Variants in RAB38 observed in about 807,000 individuals in gnomAD.
RAB38 encodes the protein ras-related protein Rab-38.
Under a neutral mutation model 18.4 loss-of-function variants are expected in RAB38, and 15 were observed. That is an observed-to-expected ratio of 0.82 (90% CI 0.55 to 1.26). RAB38 has a LOEUF of 1.26. Among genes scored for constraint, RAB38 ranks in the 50% most tolerant of loss-of-function variants. The pLI is 0.00. For missense variants in RAB38, 294 were observed against 267.4 expected, an observed-to-expected ratio of 1.10 and a Z score of -0.69; for synonymous variants, 101 against 104.4, an observed-to-expected ratio of 0.97 and a Z score of 0.20.
chr11:88,020,807 T>C, the RAB38 span, among the ~76,000 whole-genome samples: 1 of 152,006 alleles, frequency 6.6e-6, no homozygotes, highest in South Asian at 2.1e-4. Flanking sequence ...TTGGAAATGA[T>C]AAAAACATAA....
chr11:88,061,934 T>C, the RAB38 span: 1 of 152,360 alleles, frequency 6.6e-6, no homozygotes, highest in South Asian at 2.1e-4. Flanking sequence ...TTGGTTCTTT[T>C]GTCTTCAATT....
At chr11:88,075,480 T>C in the RAB38 span, among the ~76,000 whole-genome samples, 1 of 152,148 alleles carries the variant, frequency 6.6e-6, no homozygotes, top group Non-Finnish European at 1.5e-5. Context: ...TGTAAGAGTT[T>C]CTGAAACAAA....
chr11:87,912,271 A>C, the RAB38 span, among the ~76,000 whole-genome samples: 13 of 151,908 alleles, frequency 8.6e-5, no homozygotes, highest in Non-Finnish European at 1.5e-4. Context: ...GTTTGTTTAG[A>C]AGTTGCATTA....
At chr11:88,088,551 A>C in the RAB38 span, among the ~76,000 whole-genome samples, 1 of 151,922 alleles carries the variant, frequency 6.6e-6, no homozygotes, top group Admixed American at 6.6e-5. Flanking sequence ...ATTTGTGGGT[A>C]AGGGCAATAC....
chr11:87,976,923 A>G, the RAB38 span, among the ~76,000 whole-genome samples: 4 of 40 alleles, frequency 0.1, 1 homozygote, highest in Admixed American at 0.5. Flanking sequence ...ATATATTATA[A>G]TTACATTATA....
Position 88,173,477 on chromosome 11 carries a change from T to C in RAB38, c.202+1706A>G, listed in dbSNP as rs555382854. The C allele has an allele frequency of 8.0e-5, 77 of 959,002 alleles. No homozygotes were observed. The South Asian group carries it at 1.0e-3, about 13-fold the overall frequency. The allele number at this position is 959,002 out of a possible 1,614,324, so 59.4% of individuals were successfully genotyped here. A position where few individuals can be genotyped will look rare whatever the true frequency, so the allele number is the denominator to read the frequency against. ...GATGGAGGCAGTTCAACTCTGGAAT[T>C]TGGGCTATTAATCACTGTACCCTTC... On this transcript the variant is annotated intron_variant, in intron 1 of 2. Transcript: ENST00000243662.
Position 88,132,425 on chromosome 11 carries a change from A to G in RAB38, c.483+17250T>C, listed in dbSNP as rs1942776867. Among the ~76,000 whole-genome samples the G allele has an allele frequency of 4.6e-5, 7 of 152,158 alleles. 1 individual carries two copies. The South Asian group carries it at 1.4e-3, about 32-fold the overall frequency. ...TATTTTTAGGGTCTCTTTCAAATAT[A>G]GACGAACACAATTCTAACTGAAATA... On this transcript the variant is annotated intron_variant, in intron 2 of 2. Transcript: ENST00000243662.
At chr11:88,159,236 A>AAT (rs1179405659) in intron 1 of RAB38, among the ~76,000 whole-genome samples, 5 of 141,352 alleles carry the variant, frequency 3.5e-5, no homozygotes, top group South Asian at 2.2e-4. Flanking sequence ...TAAATAAATA[A>AAT]AAATAAAATA....
chr11:87,923,561 G>C, the RAB38 span, among the ~76,000 whole-genome samples: 2 of 151,156 alleles, frequency 1.3e-5, no homozygotes, highest in Non-Finnish European at 2.9e-5. Flanking sequence ...GTGTGTGTGT[G>C]TGTGTGTGTG....
the RAB38 span, among the ~76,000 whole-genome samples, chr11:88,026,507 G>A: frequency 2.8e-5 from 4 of 141,248 alleles, no homozygotes; most frequent in African/African-American, 1.1e-4. Context: ...AGGTTGCAGT[G>A]AGCCAAGATC....
At chr11:88,173,575 G>C (rs1943336956) in intron 1 of RAB38, 11 of 985,382 alleles carry the variant, frequency 1.1e-5, no homozygotes, top group South Asian at 4.7e-5. Context: ...CTGTTACCTG[G>C]ATTGTACACA....
At chr11:87,922,632 T>C in the RAB38 span, among the ~76,000 whole-genome samples, 8 of 151,988 alleles carry the variant, frequency 5.3e-5, no homozygotes, top group East Asian at 1.9e-4. Flanking sequence ...AGCCAAATTA[T>C]TTTTACACTG....
chr11:88,122,424 A>G (rs1394445502), intron 2 of RAB38, among the ~76,000 whole-genome samples: 1 of 152,248 alleles, frequency 6.6e-6, no homozygotes, highest in African/African-American at 2.4e-5. Flanking sequence ...CAGACTTAAC[A>G]AACCCCATTC....
rs1008214632 is a variant in RAB38, at chr11:88,173,776, C to T, written c.202+1407G>A. Reference sequence around the variant, plus strand: ...GATAACATTTTCTGTTCTCTGATAACCCCCTTGCTACTAGAGCAGCTGAAG... The same window carrying T: ...GATAACATTTTCTGTTCTCTGATAATCCCCTTGCTACTAGAGCAGCTGAAG... On this transcript the variant is annotated intron_variant, in intron 1 of 2. Transcript: ENST00000243662. The T allele has an allele frequency of 5.1e-6, 5 of 985,252 alleles. No individual in the cohort carries two copies. In the African/African-American group the frequency reaches 7.0e-5, roughly 14 times the overall value. 61.0% of individuals were successfully genotyped at this position (985,252 alleles called of 1,614,324 possible). A position where few individuals can be genotyped will look rare whatever the true frequency, so the allele number is the denominator to read the frequency against.
chr11:88,096,780 A>G, the RAB38 span, among the ~76,000 whole-genome samples: 1 of 151,876 alleles, frequency 6.6e-6, no homozygotes, highest in Non-Finnish European at 1.5e-5. Context: ...GAATGCATAT[A>G]TAATTTCACA....
At chr11:88,092,356 GA>G in the RAB38 span, among the ~76,000 whole-genome samples, 1,690 of 10,620 alleles carry the variant, frequency 0.16, 489 homozygotes, top group African/African-American at 0.22. Context: ...GGGAGGGAGA[GA>G]GAGAGAGAGA....
At chr11:88,099,131 A>G in the RAB38 span, among the ~76,000 whole-genome samples, 1 of 151,938 alleles carries the variant, frequency 6.6e-6, no homozygotes, top group Non-Finnish European at 1.5e-5. Flanking sequence ...ATTATTAAAA[A>G]CCAATAGAAC....
At chr11:87,931,618 A>G in the RAB38 span, among the ~76,000 whole-genome samples, 1 of 152,142 alleles carries the variant, frequency 6.6e-6, no homozygotes, top group Non-Finnish European at 1.5e-5. Flanking sequence ...ATGTCAGAAC[A>G]GAACAATTTT....
At chr11:88,070,300 C>A in the RAB38 span, among the ~76,000 whole-genome samples, 39 of 152,266 alleles carry the variant, frequency 2.6e-4, no homozygotes, top group African/African-American at 9.1e-4. Context: ...AGGTCTGCAG[C>A]TTCACTCCTG....
Sources: allele counts gnomAD v4.1 joint callset (sites outside exome capture counted in the v4.1 genomes callset), GRCh38; gene constraint gnomAD v4.1.1; transcripts MANE v1.5; gene names NCBI Gene and HGNC (gene_info 2026-07-23, HGNC 2026-07-21).